Variants in RANBP2 observed in about 807,000 individuals in gnomAD.
RANBP2 encodes RAN binding protein 2.
In RANBP2, 57 loss-of-function variants were observed where a neutral mutation model predicts 303.6. That is an observed-to-expected ratio of 0.19 (90% CI 0.15 to 0.23). The LOEUF (loss-of-function observed/expected upper bound fraction) is 0.23. Among genes scored for constraint, RANBP2 ranks in the 10% least tolerant of loss-of-function variants. The probability of loss-of-function intolerance (pLI) is 1.00; values close to 1 mark genes in which losing one functional copy is unlikely to be tolerated. For missense variants in RANBP2, 3,138 were observed against 3,780.8 expected (o/e 0.83, Z 4.46); for synonymous variants, 1,167 against 1,301.5 (o/e 0.90, Z 2.23).
At chr2:109,449,239 C>T in the RANBP2 span, 1 of 1,613,144 alleles carries the variant, frequency 6.2e-7, no homozygotes, top group East Asian at 2.2e-5. Flanking sequence ...ACCCAGAACT[C>T]TCCATCCCGC....
At chr2:109,292,769 G>C in the RANBP2 span, among the ~76,000 whole-genome samples, 4 of 152,150 alleles carry the variant, frequency 2.6e-5, no homozygotes, top group Admixed American at 6.5e-5. Context: ...TTTCACTCTT[G>C]TTGCCCAGGC....
At chr2:109,176,344 C>T in the RANBP2 span, among the ~76,000 whole-genome samples, 3 of 152,170 alleles carry the variant, frequency 2.0e-5, no homozygotes, top group Admixed American at 1.3e-4. Context: ...TGAGAGAAGA[C>T]AGCTGAGCAG....
Position 108,763,331 on chromosome 2 carries a change from C to T in RANBP2, c.2792C>T (p.Ala931Val), listed in dbSNP as rs1237893044. The change falls in exon 20 of 29, where the codon GCT (alanine) becomes GTT (valine). Residue 931 changes from alanine (A) to valine (V), a missense_variant. By Grantham distance (64) the Ala-to-Val change is moderately conservative. Around this residue, in one of 20 missense-constraint regions of RANBP2, gnomAD observed 403 missense variants for 376.7 expected, o/e 1.07. Coordinates refer to ENST00000283195, the MANE Select transcript of RANBP2 (RefSeq NM_006267.5). ...MHTPPVQSSS[A>V]CMFSQEMYGP... is the part of the protein sequence containing the mutation. ...ACACCGCCAGTGCAAAGCTCATCTG[C>T]TTGTATGTTCTCTCAGGAGATGTAT... 2 of 1,613,860 alleles carry T rather than the reference C, an allele frequency of 1.2e-6. No individual in the cohort carries two copies. The highest frequency in any genetic ancestry group is 1.7e-6 in the Non-Finnish European group (2 of 1,179,954).
chr2:108,864,741 T>C, the RANBP2 span, among the ~76,000 whole-genome samples: 5 of 149,116 alleles, frequency 3.4e-5, no homozygotes, highest in Admixed American at 3.3e-4. Context: ...TTGCAGTGAG[T>C]TGAGAGTGTG....
the RANBP2 span, among the ~76,000 whole-genome samples, chr2:109,352,959 A>G: frequency 9.5e-3 from 1,440 of 152,354 alleles, 26 homozygotes; most frequent in African/African-American, 0.033. Context: ...ACCTACACAG[A>G]ATGTGAGCTC....
chr2:109,233,635 A>G, the RANBP2 span, among the ~76,000 whole-genome samples: 13 of 152,244 alleles, frequency 8.5e-5, no homozygotes, highest in African/African-American at 2.9e-4. Flanking sequence ...ACCCTCTTCT[A>G]CCCAGTATTT....
the RANBP2 span, among the ~76,000 whole-genome samples, chr2:109,436,501 C>G: frequency 6.6e-6 from 1 of 152,242 alleles, no homozygotes; most frequent in East Asian, 1.9e-4. Flanking sequence ...TCCTTGCCAT[C>G]CTTTCCCCAA....
the RANBP2 span, among the ~76,000 whole-genome samples, chr2:109,405,248 C>T: frequency 2.6e-5 from 4 of 152,304 alleles, no homozygotes; most frequent in South Asian, 2.1e-4. Flanking sequence ...CCCCTCTTTC[C>T]GCAAACCTGC....
the RANBP2 span, among the ~76,000 whole-genome samples, chr2:109,717,086 A>T: frequency 3.3e-5 from 5 of 152,192 alleles, no homozygotes; most frequent in African/African-American, 1.2e-4. Flanking sequence ...GTAAGAGATA[A>T]AATTTGTCTG....
chr2:108,722,256 C>CT (rs35379921), intron 1 of RANBP2, among the ~76,000 whole-genome samples: 20 of 151,984 alleles, frequency 1.3e-4, no homozygotes, highest in East Asian at 5.8e-4. Flanking sequence ...CACTTAGAGT[C>CT]TTTTTTTTCC....
the RANBP2 span, among the ~76,000 whole-genome samples, chr2:108,845,217 A>ATT: frequency 6.6e-6 from 1 of 151,994 alleles, no homozygotes; most frequent in African/African-American, 2.4e-5. Flanking sequence ...AAAAACATGT[A>ATT]TTTTTTTTCT....
chr2:108,787,624 C>G (rs1573882644), downstream of RANBP2, among the ~76,000 whole-genome samples: 1 of 152,036 alleles, frequency 6.6e-6, no homozygotes, highest in African/African-American at 2.4e-5. Flanking sequence ...CAGATCCGAC[C>G]CAAGAACGAG....
chr2:108,793,599 G>GT, the RANBP2 span, among the ~76,000 whole-genome samples: 1 of 150,502 alleles, frequency 6.6e-6, no homozygotes, highest in Non-Finnish European at 1.5e-5. Context: ...TTTTTGTTTT[G>GT]TTTTGTTTTT....
chr2:108,933,390 G>A, the RANBP2 span, among the ~76,000 whole-genome samples: 3 of 152,190 alleles, frequency 2.0e-5, no homozygotes, highest in Non-Finnish European at 4.4e-5. Flanking sequence ...GTCCCTGGCT[G>A]CTCTAAGAAT....
chr2:109,430,641 A>AT, the RANBP2 span, among the ~76,000 whole-genome samples: 1 of 151,694 alleles, frequency 6.6e-6, no homozygotes, highest in South Asian at 2.1e-4. Flanking sequence ...GTTGTTTGTC[A>AT]TTTTCACTGG....
chr2:109,127,949 A>C, the RANBP2 span: 2 of 152,252 alleles, frequency 1.3e-5, no homozygotes, highest in African/African-American at 4.8e-5. Flanking sequence ...AGCCTCAACA[A>C]ATACTACTTT....
At chr2:109,125,615 C>T in the RANBP2 span, among the ~76,000 whole-genome samples, 167 of 152,318 alleles carry the variant, frequency 1.1e-3, no homozygotes, top group African/African-American at 3.7e-3. Flanking sequence ...TGAAGGCATC[C>T]GAAGATTTCG....
chr2:109,727,448 C>G, the RANBP2 span, among the ~76,000 whole-genome samples: 68 of 152,330 alleles, frequency 4.5e-4, 1 homozygote, highest in East Asian at 0.013. Flanking sequence ...AGCTGGGACT[C>G]CAAGCCGAGT....
chr2:109,482,757 G>C, the RANBP2 span, among the ~76,000 whole-genome samples: 2 of 152,204 alleles, frequency 1.3e-5, no homozygotes, highest in African/African-American at 4.8e-5. Flanking sequence ...GGAAGGGCAG[G>C]GAACAACTGC....
Sources: allele counts gnomAD v4.1 joint callset (sites outside exome capture counted in the v4.1 genomes callset), GRCh38; gene constraint gnomAD v4.1.1; regional missense constraint gnomAD v4.1.1; transcripts MANE v1.5; gene names NCBI Gene and HGNC (gene_info 2026-07-23, HGNC 2026-07-21).